MYT1L: variants seen among roughly 807,000 people sequenced by gnomAD.
MYT1L encodes myelin transcription factor 1-like protein.
In MYT1L, 12 loss-of-function variants were observed where a neutral mutation model predicts 126.7. The observed-to-expected ratio is 0.09, with a 90% CI of 0.06 to 0.15. The LOEUF is 0.15. Among genes scored for constraint, MYT1L ranks in the 10% least tolerant of loss-of-function variants. MYT1L has a pLI of 1.00. For synonymous variants in MYT1L, 541 were observed against 604.2 expected (o/e 0.90, Z 1.53); for missense variants, 979 against 1,585.2 (o/e 0.62, Z 6.49).
chr2:2,085,839 C>T (rs2076298185), intron 3 of MYT1L, among the ~76,000 whole-genome samples: 1 of 152,194 alleles, frequency 6.6e-6, no homozygotes, highest in South Asian at 2.1e-4. Flanking sequence ...ACACCGCGCT[C>T]TCAGGCCCCT....
intron 19 of MYT1L, among the ~76,000 whole-genome samples, chr2:1,851,249 CTT>C (rs2043225780): frequency 6.6e-6 from 1 of 152,152 alleles, no homozygotes. Context: ...GTGGTCCAAT[CTT>C]AATATTTAAG....
chr2:1,835,966 G>A (rs1029551719), intron 21 of MYT1L, among the ~76,000 whole-genome samples: 1 of 152,152 alleles, frequency 6.6e-6, no homozygotes, highest in Non-Finnish European at 1.5e-5. Flanking sequence ...CTGCAGGCTA[G>A]GTGGAGCACA....
chr2:1,792,070 A>G, intron 24 of MYT1L, 63 bp from the exon 25 acceptor site: 1 of 1,332,092 alleles, frequency 7.5e-7, no homozygotes, highest in Non-Finnish European at 1.0e-6. Flanking sequence ...TATTTACAAA[A>G]GCATAAAATA....
intron 2 of MYT1L, among the ~76,000 whole-genome samples, chr2:2,194,134 C>T (rs1015535785): frequency 1.3e-5 from 2 of 151,972 alleles, no homozygotes; most frequent in African/African-American, 4.8e-5. Flanking sequence ...GGCTGAAGTG[C>T]AGTGGTGTGG....
chr2:1,887,647 T>A lies in MYT1L; in HGVS notation c.2521-38A>T, dbSNP rs139563266. ...CACAGCTTCAGAGCCACACGGATGATCACATGGCACACAGACTGAGGGAGG... is the reference window on the plus strand; with the variant it reads ...CACAGCTTCAGAGCCACACGGATGAACACATGGCACACAGACTGAGGGAGG... On this transcript the variant is annotated intron_variant, in intron 16 of 24. Coordinates refer to ENST00000647738, the MANE Select transcript of MYT1L (RefSeq NM_001303052.2). This position sits in a 1 kb window ranked among gnomAD's most constrained non-coding sequence, Gnocchi z 4.8. 349 of 1,613,718 alleles carry A rather than the reference T, an allele frequency of 2.2e-4. No individual in the cohort carries two copies. The African/African-American group carries it at 4.3e-3, about 20-fold the overall frequency.
intron 1 of MYT1L, among the ~76,000 whole-genome samples, chr2:2,303,119 A>G (rs541579515): frequency 1.3e-5 from 2 of 152,166 alleles, no homozygotes; most frequent in Non-Finnish European, 2.9e-5. Context: ...GTTTGCAGAT[A>G]CTCTTTATGT....
chr2:1,975,306 G>A (rs2060087089), intron 8 of MYT1L, among the ~76,000 whole-genome samples: 1 of 119,944 alleles, frequency 8.3e-6, no homozygotes, highest in Admixed American at 7.8e-5. Flanking sequence ...TCCCGCAGCT[G>A]TGGCAGAGAG....
At chr2:2,261,792 G>A (rs922026151) in intron 2 of MYT1L, among the ~76,000 whole-genome samples, 8 of 152,192 alleles carry the variant, frequency 5.3e-5, no homozygotes, top group Non-Finnish European at 1.0e-4. Flanking sequence ...GCCTAAGTCA[G>A]GGAATTTGTG....
intron 1 of MYT1L, among the ~76,000 whole-genome samples, chr2:2,328,661 G>C (rs1246350969): frequency 6.6e-6 from 1 of 152,058 alleles, no homozygotes; most frequent in Non-Finnish European, 1.5e-5. Context: ...AGATAGTCCT[G>C]GTGCATCTTT....
At chr2:1,828,317 A>T (rs2039649993) in intron 21 of MYT1L, 2 of 152,070 alleles carry the variant, frequency 1.3e-5, no homozygotes, top group African/African-American at 4.8e-5. Flanking sequence ...GGTAGGTGAC[A>T]TCTTGGGGCA....
At chr2:1,835,868 C>T (rs906789866) in intron 21 of MYT1L, among the ~76,000 whole-genome samples, 7 of 152,200 alleles carry the variant, frequency 4.6e-5, no homozygotes, top group East Asian at 1.9e-4. Context: ...GGAGCCGCCC[C>T]TGGCATGCTG....
chr2:1,856,334 C>T (rs1424310358), intron 18 of MYT1L, among the ~76,000 whole-genome samples: 5 of 152,182 alleles, frequency 3.3e-5, no homozygotes, highest in African/African-American at 2.4e-5. Flanking sequence ...GTGTAAGAAG[C>T]GGCATTGACC....
rs144818224 is a variant in MYT1L at position 2,173,454 on chromosome 2, T to C, written c.-420-466A>G. On this transcript the variant is annotated intron_variant, in intron 2 of 24. Coordinates refer to ENST00000647738, the MANE Select transcript of MYT1L (RefSeq NM_001303052.2). ...TGCTGATGACAAGGCCACTTCCAAATGTCAGCTCAACTTTATCTTACTATC... is the reference window on the plus strand; with the variant it reads ...TGCTGATGACAAGGCCACTTCCAAACGTCAGCTCAACTTTATCTTACTATC... Among the ~76,000 whole-genome samples, 155 of 152,350 alleles carry C rather than the reference T, an allele frequency of 1.0e-3. 1 individual carries two copies. Among genetic ancestry groups the C allele is most frequent in the Middle Eastern group, 3.4e-3 (1 of 292 alleles).
chr2:2,191,072 A>G (rs1423735160), intron 2 of MYT1L, among the ~76,000 whole-genome samples: 2 of 152,196 alleles, frequency 1.3e-5, no homozygotes, highest in East Asian at 1.9e-4. Flanking sequence ...GGCGTGGGCC[A>G]CCGCGCCTGG....
intron 2 of MYT1L, among the ~76,000 whole-genome samples, chr2:2,218,721 T>C (rs963806395): frequency 3.3e-5 from 5 of 152,344 alleles, no homozygotes; most frequent in African/African-American, 1.2e-4. Flanking sequence ...TGTCATTCAG[T>C]AGAGCTGTTA....
intron 14 of MYT1L, among the ~76,000 whole-genome samples, chr2:1,894,857 T>C (rs1329520848): frequency 6.6e-6 from 1 of 152,312 alleles, no homozygotes; most frequent in East Asian, 1.9e-4. Flanking sequence ...CCTGCTACAC[T>C]GTGCTCACAG....
intron 1 of MYT1L, among the ~76,000 whole-genome samples, chr2:2,312,410 A>G (rs371306891): frequency 6.6e-6 from 1 of 152,138 alleles, no homozygotes; most frequent in Non-Finnish European, 1.5e-5. Context: ...CAGGAGTTCA[A>G]GACCAGCCTG....
chr2:2,226,446 T>C (rs992981497), intron 2 of MYT1L, among the ~76,000 whole-genome samples: 4 of 152,218 alleles, frequency 2.6e-5, no homozygotes, highest in Non-Finnish European at 4.4e-5. Flanking sequence ...TCCAGAGTCA[T>C]GGCCGTGGAC....
intron 5 of MYT1L, among the ~76,000 whole-genome samples, chr2:1,981,703 C>T (rs940135660): frequency 2.6e-5 from 4 of 152,140 alleles, no homozygotes; most frequent in East Asian, 1.9e-4. Context: ...GAGGACGAGT[C>T]GCAAACATGT....
Sources: gnomAD v4.1 joint callset for allele counts (sites outside exome capture counted in the v4.1 genomes callset) on GRCh38, gnomAD v4.1.1 for gene constraint, Gnocchi (gnomAD v3.1) non-coding constraint, MANE v1.5 for transcripts, NCBI Gene and HGNC (gene_info 2026-07-23, HGNC 2026-07-21) for gene names.